Variants in PDE10A observed in about 807,000 individuals in gnomAD.
The protein encoded by PDE10A is cAMP and cAMP-inhibited cGMP 3',5'-cyclic phosphodiesterase 10A.
PDE10A carries 39 observed loss-of-function variants against 97.7 expected under a neutral mutation model. The observed-to-expected ratio is 0.40, with a 90% CI of 0.31 to 0.52. The LOEUF (loss-of-function observed/expected upper bound fraction) is 0.52, where lower values mean the gene tolerates loss of function less well. Among genes scored for constraint, PDE10A ranks in the 20% least tolerant of loss-of-function variants. PDE10A has a pLI of 0.56. For missense variants in PDE10A, 731 were observed against 1,047.8 expected (o/e 0.70, Z 4.17); for synonymous variants, 371 against 376.8 (o/e 0.98, Z 0.18).
At chr6:165,872,604 C>CAGAA (rs773143321) in intron 1 of PDE10A, among the ~76,000 whole-genome samples, 43 of 152,098 alleles carry the variant, frequency 2.8e-4, no homozygotes, top group African/African-American at 1.0e-3. Context: ...TTAGGGTGGG[C>CAGAA]AGAAGGACAG....
chr6:165,333,582 A>T (rs749462786), intron 21 of PDE10A, among the ~76,000 whole-genome samples: 7 of 152,122 alleles, frequency 4.6e-5, no homozygotes, highest in Non-Finnish European at 8.8e-5. Flanking sequence ...ATCATCTTAC[A>T]CTTGTTCTTA....
chr6:165,482,434 A>G (rs1779659696), intron 2 of PDE10A, 91 bp from the exon 3 acceptor site: 3 of 1,018,296 alleles, frequency 2.9e-6, no homozygotes, highest in African/African-American at 3.2e-5. Context: ...AATAAACTTG[A>G]AGGGTTTTTT....
chr6:165,765,838 T>C (rs1811650), intron 1 of PDE10A, among the ~76,000 whole-genome samples: 9,226 of 152,258 alleles, frequency 0.061, 945 homozygotes, highest in African/African-American at 0.21. Context: ...GCCAGCCCGC[T>C]GTCACCTCTC....
intron 1 of PDE10A, among the ~76,000 whole-genome samples, chr6:165,966,552 GC>G (rs1262216319): frequency 6.6e-6 from 1 of 152,210 alleles, no homozygotes; most frequent in Non-Finnish European, 1.5e-5. Context: ...AAGCCCACTT[GC>G]TTTTTTGTCA....
chr6:165,572,909 T>C (rs112393930), intron 1 of PDE10A, among the ~76,000 whole-genome samples: 67 of 152,366 alleles, frequency 4.4e-4, no homozygotes, highest in Non-Finnish European at 1.3e-4. Context: ...AGAGTGCTAA[T>C]TGTAATTCAC....
chr6:165,926,936 T>A (rs544529735), intron 1 of PDE10A, among the ~76,000 whole-genome samples: 1 of 152,296 alleles, frequency 6.6e-6, no homozygotes, highest in African/African-American at 2.4e-5. Context: ...TGATTGGAGT[T>A]TACTTACTAT....
chr6:165,801,496 G>C (rs1270112273), intron 1 of PDE10A, among the ~76,000 whole-genome samples: 1 of 152,188 alleles, frequency 6.6e-6, no homozygotes, highest in Non-Finnish European at 1.5e-5. Flanking sequence ...GGTGAGCCAA[G>C]ATTGTGCCAC....
At chr6:165,847,540 G>T (rs1282791502) in intron 1 of PDE10A, among the ~76,000 whole-genome samples, 1 of 152,262 alleles carries the variant, frequency 6.6e-6, no homozygotes, top group Non-Finnish European at 1.5e-5. Flanking sequence ...GAACATGCAG[G>T]GAGGTAACCT....
At chr6:165,594,145 T>C (rs1251994995) in intron 1 of PDE10A, among the ~76,000 whole-genome samples, 1 of 152,230 alleles carries the variant, frequency 6.6e-6, no homozygotes, top group East Asian at 1.9e-4. Context: ...CAAGTTGCAA[T>C]GAGCACATCT....
chr6:165,681,162 G>C lies in PDE10A; in HGVS notation c.-614-137594C>G, dbSNP rs1005862383. Reference sequence around the variant, plus strand: ...CGCCTGTGTTTACAGAGCGCTGCAAGGGGTAGTTCACCTCATCCAAGATGC... The same window carrying C: ...CGCCTGTGTTTACAGAGCGCTGCAACGGGTAGTTCACCTCATCCAAGATGC... On this transcript the variant is annotated intron_variant, in intron 1 of 19. Transcript: ENST00000366882. Among the ~76,000 whole-genome samples the C allele has an allele frequency of 7.2e-5, 11 of 152,240 alleles. No individual in the cohort carries two copies. The East Asian group carries it at 2.1e-3, about 29-fold the overall frequency.
intron 1 of PDE10A, among the ~76,000 whole-genome samples, chr6:165,937,364 A>T (rs1443345188): frequency 1.3e-5 from 2 of 152,336 alleles, no homozygotes; most frequent in Middle Eastern, 3.4e-3. Context: ...AGCTTCTATT[A>T]ATTCTCAGAG....
intron 1 of PDE10A, among the ~76,000 whole-genome samples, chr6:165,791,239 G>A (rs1452658332): frequency 6.6e-6 from 1 of 151,944 alleles, no homozygotes; most frequent in Non-Finnish European, 1.5e-5. Context: ...TGGGAGGACA[G>A]CTTGAGGTTT....
chr6:165,507,592 T>G (rs1368130006), intron 2 of PDE10A, among the ~76,000 whole-genome samples: 1 of 152,084 alleles, frequency 6.6e-6, no homozygotes, highest in Non-Finnish European at 1.5e-5. Flanking sequence ...GCCAGATTTG[T>G]CCAGATCCCT....
intron 1 of PDE10A, among the ~76,000 whole-genome samples, chr6:165,619,359 CTAGTGTAGTGTGGTG>C (rs1787934864): frequency 3.8e-4 from 7 of 18,394 alleles, no homozygotes; most frequent in African/African-American, 4.6e-4. Context: ...GTAGTGTAGT[CTAGTGTAGTGTGGTG>C]TAGTGTAGTC....
intron 1 of PDE10A, among the ~76,000 whole-genome samples, chr6:165,677,705 A>G (rs1194919715): frequency 2.0e-5 from 3 of 152,188 alleles, no homozygotes; most frequent in Admixed American, 6.5e-5. Flanking sequence ...GAGAGGTCCT[A>G]CAGAGCTCTA....
chr6:165,877,882 A>G (rs1781386095), intron 1 of PDE10A, among the ~76,000 whole-genome samples: 1 of 152,218 alleles, frequency 6.6e-6, no homozygotes, highest in African/African-American at 2.4e-5. Flanking sequence ...ACATTTTATG[A>G]AAAAGGGAAA....
At chr6:165,511,510 TC>T (rs1781507261) in intron 2 of PDE10A, among the ~76,000 whole-genome samples, 1 of 152,018 alleles carries the variant, frequency 6.6e-6, no homozygotes, top group Non-Finnish European at 1.5e-5. Flanking sequence ...GATAAAATGC[TC>T]TGTAAACCTT....
chr6:165,828,249 C>T (rs1219817692), intron 1 of PDE10A, among the ~76,000 whole-genome samples: 1 of 152,222 alleles, frequency 6.6e-6, no homozygotes, highest in African/African-American at 2.4e-5. Context: ...CCTACTGTTA[C>T]AGGCTAGACC....
intron 1 of PDE10A, among the ~76,000 whole-genome samples, chr6:165,784,276 A>G (rs1312905218): frequency 6.6e-6 from 1 of 151,936 alleles, no homozygotes; most frequent in African/African-American, 2.4e-5. Flanking sequence ...CCTTTAACTC[A>G]GTGGACGTGT....
Sources: gnomAD v4.1 joint callset for allele counts (sites outside exome capture counted in the v4.1 genomes callset) on GRCh38, gnomAD v4.1.1 for gene constraint, MANE v1.5 for transcripts, NCBI Gene and HGNC (gene_info 2026-07-23, HGNC 2026-07-21) for gene names.